NFKB1: variants seen among roughly 807,000 people sequenced by gnomAD.
The protein encoded by NFKB1 is nuclear factor NF-kappa-B p105 subunit.
NFKB1 carries 9 observed loss-of-function variants against 105.1 expected under a neutral mutation model. The observed-to-expected ratio is 0.09, with a 90% CI of 0.05 to 0.15. The LOEUF (loss-of-function observed/expected upper bound fraction) is 0.15. NFKB1 is among the 10% of genes least tolerant of loss of function. NFKB1 has a pLI of 1.00. For synonymous variants in NFKB1, 440 were observed against 442.2 expected (o/e 1.00, Z 0.06); for missense variants, 830 against 1,203.7 (o/e 0.69, Z 4.59).
chr4:102,559,856 C>T (rs1397448185), intron 5 of NFKB1, among the ~76,000 whole-genome samples: 1 of 150,996 alleles, frequency 6.6e-6, no homozygotes, highest in Non-Finnish European at 1.5e-5. Flanking sequence ...GGAAGATTGC[C>T]TGAGCCAGGA....
Position 102,607,658 on chromosome 4 carries a change from C to T in NFKB1, c.2134C>T (p.His712Tyr), listed in dbSNP as rs1215372705. ...GTGGGCTGGATTGTAGGGTGATGCC[C>T]ATGTGGACAGTACTACCTACGATGG... ...AGCLLLEGDA[H>Y]VDSTTYDGTT... Residue 712 changes from histidine to tyrosine, a missense_variant, in exon 19 of 24, where the codon CAT (histidine) becomes TAT (tyrosine). By Grantham distance (83) the His-to-Tyr change is moderately conservative. This residue lies in a region of NFKB1 where 418 missense variants were observed against 575.3 expected (regional missense o/e 0.73). Coordinates refer to ENST00000226574, the MANE Select transcript of NFKB1 (RefSeq NM_003998.4). The T allele has an allele frequency of 6.2e-7, 1 of 1,614,072 alleles. No individual in the cohort carries two copies. The highest frequency in any genetic ancestry group is 1.1e-5 in the South Asian group (1 of 91,084).
chr4:102,551,577 A>G (rs1397656775), intron 5 of NFKB1, among the ~76,000 whole-genome samples: 1 of 152,072 alleles, frequency 6.6e-6, no homozygotes, highest in African/African-American at 2.4e-5. Context: ...AACCTACATC[A>G]TTGTCTTCTA....
chr4:102,602,427 C>T (rs1240830178), intron 16 of NFKB1, among the ~76,000 whole-genome samples: 1 of 151,156 alleles, frequency 6.6e-6, no homozygotes, highest in Non-Finnish European at 1.5e-5. Flanking sequence ...GTAGTCCCAG[C>T]TACTCGGGAG....
In NFKB1 at chr4:102,606,710, C is replaced by A. The variant is rs55831031; in HGVS notation, c.1954+13C>A. 1,750 of 1,610,228 alleles carry A rather than the reference C, an allele frequency of 1.1e-3. 2 individuals are homozygous for A. The highest frequency in any genetic ancestry group is 1.3e-3 in the Non-Finnish European group (1,539 of 1,177,282). On this transcript the variant is annotated intron_variant, in intron 17 of 23. Coordinates refer to ENST00000226574, the MANE Select transcript of NFKB1 (RefSeq NM_003998.4). ...CCCAACGGGGACGGTAAGAGACAAT[C>A]ACACATCATTGGTGTAACTTTCTCC...
At chr4:102,535,800 T>C (rs1346177705) in intron 4 of NFKB1, among the ~76,000 whole-genome samples, 1 of 152,152 alleles carries the variant, frequency 6.6e-6, no homozygotes, top group African/African-American at 2.4e-5. Context: ...CCCAATAAGA[T>C]ATAAACACAT....
At chr4:102,520,464 C>T (rs2149108008) in intron 1 of NFKB1, among the ~76,000 whole-genome samples, 1 of 152,316 alleles carries the variant, frequency 6.6e-6, no homozygotes, top group South Asian at 2.1e-4. Flanking sequence ...TGACATTCCA[C>T]TGTAAACAGG....
chr4:102,523,996 C>G (rs1347281359), intron 1 of NFKB1, among the ~76,000 whole-genome samples: 1 of 151,678 alleles, frequency 6.6e-6, no homozygotes, highest in Non-Finnish European at 1.5e-5. Flanking sequence ...CATCTGCAGT[C>G]CTAAGTACTC....
At chr4:102,561,648 C>G (rs1231592177) in intron 5 of NFKB1, among the ~76,000 whole-genome samples, 1 of 152,106 alleles carries the variant, frequency 6.6e-6, no homozygotes, top group Non-Finnish European at 1.5e-5. Flanking sequence ...ATTGCCTGAT[C>G]GCTCCATTTA....
intron 23 of NFKB1, 29 bp from the exon 24 acceptor site, chr4:102,616,405 C>G: frequency 6.2e-7 from 1 of 1,610,978 alleles, no homozygotes. Context: ...CGGCCATTCC[C>G]CCAGTGAATT....
In NFKB1 at chr4:102,597,727, A is replaced by G. The variant is rs182317608; in HGVS notation, c.1637+66A>G. ...GAAGAAGAAGAGCATCGTATAATGCATACTGACTAGAGATAAAAATAATTG... is the reference window on the plus strand; with the variant it reads ...GAAGAAGAAGAGCATCGTATAATGCGTACTGACTAGAGATAAAAATAATTG... On this transcript the variant is annotated intron_variant, in intron 15 of 23. Coordinates refer to ENST00000226574, the MANE Select transcript of NFKB1 (RefSeq NM_003998.4). The G allele has an allele frequency of 2.7e-5, 41 of 1,497,546 alleles. No individual in the cohort carries two copies. The East Asian group carries it at 8.7e-4, about 32-fold the overall frequency. The allele number at this position is 1,497,546 out of a possible 1,614,324, so 92.8% of individuals were successfully genotyped here.
rs530097980 is a variant in NFKB1, at chr4:102,603,759, T to G, written c.1753-2737T>G. 8.5e-5 allele frequency among the ~76,000 whole-genome samples: 13 copies of G among 152,354 alleles called. No individual in the cohort carries two copies. The South Asian group carries it at 2.7e-3, about 32-fold the overall frequency. ...TGGATTATTTGACAGTTAAGCATTC[T>G]TCCCAAATACCTTTCACTAATCTAA... On this transcript the variant is annotated intron_variant, in intron 16 of 23. Transcript: ENST00000226574.
intron 5 of NFKB1, among the ~76,000 whole-genome samples, chr4:102,539,631 T>G (rs1246241782): frequency 1.3e-5 from 2 of 152,190 alleles, no homozygotes; most frequent in African/African-American, 4.8e-5. Context: ...TTGCACTTAT[T>G]AAACACCAAA....
intron 1 of NFKB1, 21 bp from the exon 2 acceptor site, chr4:102,525,491 T>A: frequency 1.2e-6 from 2 of 1,611,308 alleles, no homozygotes; most frequent in South Asian, 2.2e-5. Context: ...CAGTTTTGTT[T>A]TGTTTTGTTT....
intron 11 of NFKB1, among the ~76,000 whole-genome samples, chr4:102,587,977 C>T (rs777971874): frequency 9.2e-5 from 14 of 152,076 alleles, no homozygotes; most frequent in Non-Finnish European, 1.3e-4. Context: ...TTTTCCTTAC[C>T]CCCAGTCTCT....
chr4:102,593,167 C>A, intron 11 of NFKB1: 1 of 261,692 alleles, frequency 3.8e-6, no homozygotes. Flanking sequence ...GTTTTAACAA[C>A]ACTGGGGACT....
chr4:102,526,072 C>G (rs1740893486), intron 2 of NFKB1, among the ~76,000 whole-genome samples: 1 of 152,174 alleles, frequency 6.6e-6, no homozygotes, highest in African/African-American at 2.4e-5. Flanking sequence ...TACTGTGTCT[C>G]TAAACCTAAA....
At chr4:102,535,390 G>A (rs1338200594) in intron 4 of NFKB1, among the ~76,000 whole-genome samples, 2 of 152,150 alleles carry the variant, frequency 1.3e-5, no homozygotes, top group Non-Finnish European at 2.9e-5. Flanking sequence ...TTACCTGAAG[G>A]GTTAATGTAG....
intron 19 of NFKB1, 130 bp downstream of exon 19, chr4:102,607,881 T>G: frequency 1.3e-6 from 1 of 757,592 alleles, no homozygotes; most frequent in Non-Finnish European, 2.3e-6. Context: ...AAATAAAAAT[T>G]ATATGGCAAA....
At chr4:102,541,893 C>T (rs760584974) in intron 5 of NFKB1, among the ~76,000 whole-genome samples, 2 of 152,100 alleles carry the variant, frequency 1.3e-5, no homozygotes, top group Non-Finnish European at 2.9e-5. Flanking sequence ...TTTGTGAGAG[C>T]GCCACCACTC....
Sources: gnomAD v4.1 joint callset for allele counts (sites outside exome capture counted in the v4.1 genomes callset) on GRCh38, gnomAD v4.1.1 for gene constraint, gnomAD v4.1.1 regional missense constraint, MANE v1.5 for transcripts, NCBI Gene and HGNC (gene_info 2026-07-23, HGNC 2026-07-21) for gene names.